The following NAALADL2 variants were observed in gnomAD, a reference collection of about 807,000 sequenced individuals.
NAALADL2 encodes N-acetylated alpha-linked acidic dipeptidase like 2.
NAALADL2 carries 76 observed loss-of-function variants against 87.2 expected under a neutral mutation model. That is an observed-to-expected ratio of 0.87 (90% CI 0.72 to 1.05). NAALADL2 has a LOEUF of 1.05. Ranked by LOEUF, NAALADL2 falls within the 50% of genes least tolerant of loss-of-function variation. The pLI is 0.00. For missense variants in NAALADL2, 1,089 were observed against 945.8 expected (o/e 1.15, Z -1.99); for synonymous variants, 354 against 331.0 (o/e 1.07, Z -0.75).
intron 13 of NAALADL2, among the ~76,000 whole-genome samples, chr3:175,759,851 G>A (rs1381325067): frequency 2.0e-5 from 3 of 152,132 alleles, no homozygotes; most frequent in Admixed American, 6.5e-5. Context: ...GTTATGGAAA[G>A]GTAGGTAAGA....
chr3:175,282,063 AC>A (rs1170104148), intron 4 of NAALADL2, among the ~76,000 whole-genome samples: 1 of 152,058 alleles, frequency 6.6e-6, no homozygotes, highest in Non-Finnish European at 1.5e-5. Context: ...ATGATTAGTT[AC>A]CTAAAATTCT....
intron 5 of NAALADL2, among the ~76,000 whole-genome samples, chr3:175,328,896 C>T (rs918419849): frequency 2.6e-5 from 4 of 152,054 alleles, no homozygotes; most frequent in African/African-American, 9.7e-5. Context: ...AGTAGTATTC[C>T]ATTTGGTCTG....
intron 2 of NAALADL2, among the ~76,000 whole-genome samples, chr3:174,684,231 G>C (rs893974732): frequency 6.6e-6 from 1 of 151,928 alleles, no homozygotes; most frequent in Non-Finnish European, 1.5e-5. Context: ...TTTAGAATTT[G>C]TAGATTCAGG....
At chr3:175,555,145 CCTTT>C (rs1209394369) in intron 9 of NAALADL2, among the ~76,000 whole-genome samples, 6 of 152,144 alleles carry the variant, frequency 3.9e-5, no homozygotes, top group Non-Finnish European at 2.9e-5. Context: ...TTCTGTTTTG[CCTTT>C]CTTTAAGTGG....
intron 2 of NAALADL2, among the ~76,000 whole-genome samples, chr3:174,677,518 A>G (rs915711152): frequency 2.6e-5 from 4 of 152,072 alleles, no homozygotes; most frequent in Non-Finnish European, 5.9e-5. Context: ...ACTATTCACA[A>G]TAGTTATGTT....
intron 1 of NAALADL2, among the ~76,000 whole-genome samples, chr3:174,973,758 C>A (rs973890131): frequency 6.6e-6 from 1 of 152,114 alleles, no homozygotes; most frequent in Non-Finnish European, 1.5e-5. Context: ...GCACTGAATA[C>A]TGTAGACAAT....
intron 13 of NAALADL2, among the ~76,000 whole-genome samples, chr3:175,785,094 T>C (rs897838703): frequency 2.6e-5 from 4 of 151,194 alleles, no homozygotes; most frequent in African/African-American, 9.7e-5. Context: ...TCTGTTCTTT[T>C]ACATTTGCTG....
chr3:175,630,064 G>C (rs1473850257), intron 11 of NAALADL2, among the ~76,000 whole-genome samples: 2 of 151,672 alleles, frequency 1.3e-5, no homozygotes, highest in Non-Finnish European at 3.0e-5. Flanking sequence ...ACCCAATGTT[G>C]ATTCTGTTTC....
intron 2 of NAALADL2, among the ~76,000 whole-genome samples, chr3:174,706,415 G>C (rs1003112952): frequency 2.0e-5 from 3 of 152,166 alleles, no homozygotes; most frequent in African/African-American, 7.2e-5. Context: ...TCCTAAATTT[G>C]ATACCAAAAG....
intron 11 of NAALADL2, among the ~76,000 whole-genome samples, chr3:175,633,317 T>A (rs1582706654): frequency 6.6e-6 from 1 of 152,218 alleles, no homozygotes; most frequent in African/African-American, 2.4e-5. Flanking sequence ...TGCAATATCC[T>A]GTATTTATTT....
intron 3 of NAALADL2, among the ~76,000 whole-genome samples, chr3:174,769,143 T>C (rs919229415): frequency 2.6e-5 from 4 of 152,064 alleles, no homozygotes; most frequent in African/African-American, 9.6e-5. Context: ...CTAGTCTATA[T>C]TATTTCCTTT....
intron 9 of NAALADL2, among the ~76,000 whole-genome samples, chr3:175,538,772 T>C (rs1361800060): frequency 6.6e-6 from 1 of 152,212 alleles, no homozygotes; most frequent in Non-Finnish European, 1.5e-5. Context: ...AACAAGTATT[T>C]ATTGAGCACT....
intron 2 of NAALADL2, among the ~76,000 whole-genome samples, chr3:175,109,484 C>G (rs997638883): frequency 6.6e-6 from 1 of 151,254 alleles, no homozygotes; most frequent in Non-Finnish European, 1.5e-5. Flanking sequence ...TAGGAACATA[C>G]TTGTTTATAT....
intron 9 of NAALADL2, among the ~76,000 whole-genome samples, chr3:175,565,287 C>T (rs1247852189): frequency 1.3e-5 from 2 of 152,172 alleles, no homozygotes; most frequent in African/African-American, 4.8e-5. Context: ...ATTGCATTAT[C>T]ATCTAATATG....
chr3:175,348,512 A>C (rs968837359), intron 5 of NAALADL2, among the ~76,000 whole-genome samples: 2 of 152,134 alleles, frequency 1.3e-5, no homozygotes, highest in African/African-American at 4.8e-5. Flanking sequence ...GTCCAAAATC[A>C]AGGTGTTGGC....
rs553528630 is a variant in NAALADL2, at chr3:174,517,976, C to T, written c.-183-32593C>T. Among the ~76,000 whole-genome samples, 17 of 152,174 alleles carry T rather than the reference C, an allele frequency of 1.1e-4. No individual in the cohort carries two copies. The South Asian group carries it at 2.7e-3, about 24-fold the overall frequency. ...GTAGAGGCAATGTAGGTGAAATAGA[C>T]GACTGAAGTGTAGAGGTGATCAATG... On this transcript the variant is annotated intron_variant, in intron 1 of 3. Coordinates refer to the NAALADL2 transcript ENST00000434257.
intron 9 of NAALADL2, among the ~76,000 whole-genome samples, chr3:175,557,076 C>T (rs959655924): frequency 6.6e-6 from 1 of 152,154 alleles, no homozygotes; most frequent in Non-Finnish European, 1.5e-5. Context: ...TGTATGAATA[C>T]ATCTGTACAG....
At chr3:174,475,205 G>T (rs796451488) in intron 1 of NAALADL2, among the ~76,000 whole-genome samples, 2 of 151,684 alleles carry the variant, frequency 1.3e-5, no homozygotes, top group South Asian at 4.2e-4. Context: ...GAAAGAAAAG[G>T]AATTTCAAAG....
chr3:174,924,960 C>T (rs1216317748), intron 1 of NAALADL2, among the ~76,000 whole-genome samples: 2 of 152,024 alleles, frequency 1.3e-5, no homozygotes, highest in African/African-American at 4.8e-5. Context: ...TTTGTAGATT[C>T]TGGATATTAG....
Sources: allele counts gnomAD v4.1 joint callset (sites outside exome capture counted in the v4.1 genomes callset), GRCh38; gene constraint gnomAD v4.1.1; transcripts MANE v1.5; gene names NCBI Gene and HGNC (gene_info 2026-07-23, HGNC 2026-07-21).